Variants in ENPEP observed in about 807,000 individuals in gnomAD.
ENPEP encodes the protein AP-A.
A neutral mutation model predicts 114.5 loss-of-function variants in ENPEP; 103 were observed. The ratio of observed to expected loss-of-function variants is 0.90; its 90% CI spans 0.77 to 1.06. The LOEUF is 1.06. Ranked by LOEUF, ENPEP falls within the 50% of genes least tolerant of loss-of-function variation. The probability of loss-of-function intolerance (pLI) is 0.00; values close to 1 mark genes in which losing one functional copy is unlikely to be tolerated. For missense variants in ENPEP, 1,196 were observed against 1,161.3 expected (o/e 1.03, Z -0.43); for synonymous variants, 420 against 422.0 (o/e 1.00, Z 0.06).
intron 13 of ENPEP, among the ~76,000 whole-genome samples, chr4:110,546,076 A>G (rs998162619): frequency 2.0e-5 from 3 of 151,950 alleles, no homozygotes; most frequent in Non-Finnish European, 4.4e-5. Context: ...AGGGGAGAGC[A>G]TTTACAGTGT....
chr4:110,480,278 T>C (rs977446474), intron 1 of ENPEP, among the ~76,000 whole-genome samples: 1 of 152,208 alleles, frequency 6.6e-6, no homozygotes, highest in Non-Finnish European at 1.5e-5. Flanking sequence ...CTTTTTGTTA[T>C]CCTTGTCTGA....
chr4:110,493,980 G>A (rs1175018760), intron 3 of ENPEP, among the ~76,000 whole-genome samples: 8 of 152,160 alleles, frequency 5.3e-5, no homozygotes. Flanking sequence ...AGTAAATAGT[G>A]ATAACTGGAG....
chr4:110,547,751 T>C (rs1727121967), intron 13 of ENPEP, among the ~76,000 whole-genome samples: 1 of 152,052 alleles, frequency 6.6e-6, no homozygotes, highest in South Asian at 2.1e-4. Flanking sequence ...CTGTTACTTA[T>C]ATTTCTTCTT....
intron 10 of ENPEP, among the ~76,000 whole-genome samples, chr4:110,520,941 G>T (rs2110363822): frequency 6.6e-6 from 1 of 152,254 alleles, no homozygotes; most frequent in South Asian, 2.1e-4. Flanking sequence ...TCTGGCAATG[G>T]CTCCAGGAAA....
At chr4:110,493,218 A>G (rs549343220) in intron 3 of ENPEP, among the ~76,000 whole-genome samples, 18 of 152,318 alleles carry the variant, frequency 1.2e-4, no homozygotes, top group Middle Eastern at 6.8e-3. Context: ...CTTAGGATGG[A>G]TTTTATATAA....
At chr4:110,517,742 T>A (rs1271216307) in intron 8 of ENPEP, among the ~76,000 whole-genome samples, 4 of 152,236 alleles carry the variant, frequency 2.6e-5, no homozygotes, top group African/African-American at 9.6e-5. Flanking sequence ...GATATTAATA[T>A]TTCATGCCAT....
rs1215517654 is a variant in ENPEP at position 110,529,840 on chromosome 4, G to A, written c.1728-1358G>A. On this transcript the variant is annotated intron_variant, in intron 10 of 19. Transcript: ENST00000265162. ...TGTAATCCCAGCACTTTGGGAGGCC[G>A]AGGCAGGTGGATCACCTGAGGTCAG... Among the ~76,000 whole-genome samples the A allele has an allele frequency of 4.6e-5, 7 of 152,070 alleles. No individual in the cohort carries two copies. The South Asian group carries it at 6.2e-4, about 14-fold the overall frequency.
intron 11 of ENPEP, among the ~76,000 whole-genome samples, chr4:110,534,822 T>TC (rs1323226051): frequency 6.6e-6 from 1 of 152,004 alleles, no homozygotes; most frequent in African/African-American, 2.4e-5. Context: ...CTTTTTTTTT[T>TC]CTCAACTAAA....
intron 18 of ENPEP, among the ~76,000 whole-genome samples, chr4:110,558,032 A>ATTTTTTTTTTTTTTTTTTT (rs201439917): frequency 9.7e-6 from 1 of 103,204 alleles, no homozygotes; most frequent in Admixed American, 1.2e-4. Flanking sequence ...ATATGGTAGG[A>ATTTTTTTTTTTTTTTTTTT]TTTTTTTTTT....
intron 3 of ENPEP, among the ~76,000 whole-genome samples, chr4:110,498,403 A>G (rs1725025499): frequency 3.3e-5 from 5 of 152,302 alleles, no homozygotes; most frequent in Admixed American, 3.3e-4. Context: ...GATGATCAGC[A>G]GTGAAAAGTC....
chr4:110,496,108 G>GA (rs1251732419), intron 3 of ENPEP, among the ~76,000 whole-genome samples: 5 of 152,154 alleles, frequency 3.3e-5, no homozygotes, highest in Admixed American at 6.5e-5. Context: ...TTCTCTCTGT[G>GA]AATGGGTTCT....
chr4:110,500,842 T>C (rs935110041), intron 3 of ENPEP, among the ~76,000 whole-genome samples: 5 of 152,096 alleles, frequency 3.3e-5, no homozygotes, highest in Non-Finnish European at 7.4e-5. Context: ...TGCTGAGGCT[T>C]AGCAGATGAT....
At chr4:110,541,630 C>T (rs1020539230) in intron 11 of ENPEP, among the ~76,000 whole-genome samples, 1 of 152,090 alleles carries the variant, frequency 6.6e-6, no homozygotes, top group Non-Finnish European at 1.5e-5. Context: ...CTTGAGCATG[C>T]TATTTTTCTG....
Position 110,476,465 on chromosome 4 carries a change from A to G in ENPEP, c.51A>G (p.Lys17=). 1.3e-6 allele frequency: 2 copies of G among 1,551,660 alleles called. No individual in the cohort carries two copies. The highest frequency in any genetic ancestry group is 1.7e-6 in the Non-Finnish European group (2 of 1,146,704). The change falls in exon 1 of 20, where the codon AAA becomes AAG. Residue 17 remains lysine (K), a synonymous_variant. Transcript: ENST00000265162. ...CTAAGAGATACTGCATTCAAACGAA[A>G]CATGTGGCCATTCTCTGTGCGGTGG... ...EGSKRYCIQT[K]HVAILCAVVV...
chr4:110,493,836 A>G (rs1724817350), intron 3 of ENPEP, among the ~76,000 whole-genome samples: 1 of 152,222 alleles, frequency 6.6e-6, no homozygotes, highest in African/African-American at 2.4e-5. Context: ...GAAATGTAAC[A>G]TCAGAGGAAA....
At chr4:110,482,388 A>G (rs1724342511) in intron 1 of ENPEP, among the ~76,000 whole-genome samples, 1 of 152,216 alleles carries the variant, frequency 6.6e-6, no homozygotes, top group South Asian at 2.1e-4. Flanking sequence ...TAGCCAGGTT[A>G]GAAGGGAAGG....
chr4:110,544,805 A>G (rs1217290043), intron 13 of ENPEP, among the ~76,000 whole-genome samples: 2 of 152,142 alleles, frequency 1.3e-5, no homozygotes, highest in African/African-American at 4.8e-5. Context: ...AACTGAGTAT[A>G]AAGCAAATAA....
intron 13 of ENPEP, among the ~76,000 whole-genome samples, chr4:110,546,478 G>T (rs888556399): frequency 1.3e-5 from 2 of 151,978 alleles, no homozygotes; most frequent in Non-Finnish European, 2.9e-5. Context: ...CTGCGTGGGG[G>T]CAGGAGTCAC....
intron 3 of ENPEP, among the ~76,000 whole-genome samples, chr4:110,497,778 A>G (rs975208066): frequency 2.6e-5 from 4 of 152,238 alleles, no homozygotes; most frequent in Non-Finnish European, 4.4e-5. Context: ...TCTATGAGGA[A>G]GGAGCAAACT....
Sources: gnomAD v4.1 joint callset for allele counts (sites outside exome capture counted in the v4.1 genomes callset) on GRCh38, gnomAD v4.1.1 for gene constraint, MANE v1.5 for transcripts, NCBI Gene and HGNC (gene_info 2026-07-23, HGNC 2026-07-21) for gene names.